Variants in SRD5A2 observed in about 807,000 individuals in gnomAD.
The protein encoded by SRD5A2 is 3-oxo-5-alpha-steroid 4-dehydrogenase 2.
In SRD5A2, 30 loss-of-function variants were observed where a neutral mutation model predicts 27.4. The ratio of observed to expected loss-of-function variants is 1.10; its 90% CI spans 0.82 to 1.49. The LOEUF is 1.49. SRD5A2 is among the 40% of genes most tolerant of loss of function. The probability of loss-of-function intolerance (pLI) is 0.00; values close to 1 mark genes in which losing one functional copy is unlikely to be tolerated. For synonymous variants in SRD5A2, 141 were observed against 133.6 expected (o/e 1.06, Z -0.38); for missense variants, 348 against 323.4 (o/e 1.08, Z -0.58).
At chr2:31,527,732 G>A (rs1665814108) in intron 4 of SRD5A2, 1 of 152,216 alleles carries the variant, frequency 6.6e-6, no homozygotes. Context: ...TTATGGGCTA[G>A]GAACCCTCTG....
the SRD5A2 span, among the ~76,000 whole-genome samples, chr2:31,621,756 G>A: frequency 6.6e-6 from 1 of 151,922 alleles, no homozygotes; most frequent in African/African-American, 2.4e-5. Flanking sequence ...CTCAGCCTCT[G>A]ATCTGGAGTA....
At position 31,526,153 on chromosome 2, in the gene SRD5A2, C is replaced by T. The variant is rs28383082; in HGVS notation, c.*43G>A. On this transcript the variant is annotated 3_prime_UTR_variant, in exon 5 of 5. Transcript: ENST00000622030. ...ACAGTTTCAGCAGCTTGACAGTTTT[C>T]ATCAGCATTGTGGGAGCTCTGCTCC... 12,546 of 1,282,334 alleles carry T rather than the reference C, an allele frequency of 9.8e-3. 95 individuals carry two copies. The highest frequency in any genetic ancestry group is 0.011 in the Non-Finnish European group (10,375 of 904,436). 79.4% of individuals were successfully genotyped at this position (1,282,334 alleles called of 1,614,324 possible). A position where few individuals can be genotyped will look rare whatever the true frequency, so the allele number is the denominator to read the frequency against.
Position 31,526,203 on chromosome 2 carries a change from A to C in SRD5A2, c.758T>G (p.Ile253Ser). 1.3e-6 allele frequency: 2 copies of C among 1,582,652 alleles called. No homozygotes were observed. Among genetic ancestry groups the C allele is most frequent in the Non-Finnish European group, 1.7e-6 (2 of 1,162,024 alleles). ...CTTTTTAATTTGGTTCCTTTAAAAG[A>C]TGAATGGAATAAGGGCTTTCCGAGA... ...PKSRKALIPF[I>S]F The change falls in exon 5 of 5, where the codon ATC becomes AGC. Residue 253 changes from isoleucine (I) to serine (S), a missense_variant. Coordinates refer to ENST00000622030, the MANE Select transcript of SRD5A2 (RefSeq NM_000348.4).
At chr2:31,559,409 GT>G (rs1448869697) in intron 1 of SRD5A2, among the ~76,000 whole-genome samples, 1 of 151,898 alleles carries the variant, frequency 6.6e-6, no homozygotes, top group East Asian at 1.9e-4. Context: ...AATATAAATT[GT>G]TTTTTAGAAA....
the SRD5A2 span, among the ~76,000 whole-genome samples, chr2:31,647,614 A>T: frequency 2.0e-5 from 3 of 152,172 alleles, no homozygotes; most frequent in African/African-American, 4.8e-5. Flanking sequence ...TGCAGTGAAA[A>T]ATAACCCCCT....
At chr2:31,614,564 G>A in the SRD5A2 span, among the ~76,000 whole-genome samples, 1 of 152,178 alleles carries the variant, frequency 6.6e-6, no homozygotes. Context: ...TAGGACAGTG[G>A]CCTCTTCTCA....
chr2:31,630,021 C>T, the SRD5A2 span, among the ~76,000 whole-genome samples: 2 of 152,162 alleles, frequency 1.3e-5, no homozygotes, highest in Non-Finnish European at 2.9e-5. Flanking sequence ...AGGCATACAG[C>T]CCTCAATATG....
chr2:31,563,397 G>T (rs926562460), intron 1 of SRD5A2: 1 of 151,832 alleles, frequency 6.6e-6, no homozygotes, highest in Non-Finnish European at 1.5e-5. Flanking sequence ...AAAAAGGTAA[G>T]TTATATGAAA....
intron 1 of SRD5A2, among the ~76,000 whole-genome samples, chr2:31,542,722 G>A (rs984084031): frequency 6.6e-6 from 1 of 152,000 alleles, no homozygotes; most frequent in African/African-American, 2.4e-5. Flanking sequence ...CAAAGATAAG[G>A]CAATGGAAAT....
chr2:31,598,516 G>A, the SRD5A2 span, among the ~76,000 whole-genome samples: 12,594 of 151,586 alleles, frequency 0.083, 646 homozygotes, highest in Middle Eastern at 0.18. Context: ...AAAAGAAGGG[G>A]GAAAAATAAC....
chr2:31,557,367 T>C (rs1449988306), intron 1 of SRD5A2, among the ~76,000 whole-genome samples: 2 of 152,254 alleles, frequency 1.3e-5, no homozygotes. Context: ...AACTAATTTG[T>C]TTAAATTTGC....
At chr2:31,536,808 A>T (rs534625318) in intron 1 of SRD5A2, among the ~76,000 whole-genome samples, 2 of 152,302 alleles carry the variant, frequency 1.3e-5, no homozygotes, top group East Asian at 3.9e-4. Context: ...TCCCCTTCAG[A>T]TCCCATGCTC....
the SRD5A2 span, chr2:31,651,350 G>C: frequency 5.0e-6 from 1 of 200,806 alleles, no homozygotes; most frequent in African/African-American, 2.3e-5. Context: ...ATTTATTGTT[G>C]AGTAAAATGA....
At chr2:31,547,228 A>C (rs1666280879) in intron 1 of SRD5A2, among the ~76,000 whole-genome samples, 1 of 152,248 alleles carries the variant, frequency 6.6e-6, no homozygotes. Context: ...CAAGGGTGCT[A>C]TGATGGTTGA....
chr2:31,580,761 A>AGGC lies in SRD5A2; in HGVS notation c.137_139dup (p.Arg46dup). The AGGC allele has an allele frequency of 6.2e-7, 1 of 1,610,534 alleles. No homozygotes were observed. Among genetic ancestry groups the AGGC allele is most frequent in the Non-Finnish European group, 8.5e-7 (1 of 1,179,546 alleles). ...CAGGAACCAGGCGGCGCGGGCTGGC[A>AGGC]GGCGGGTAGCCGCCGGCTTCAGGCT... On this transcript the variant is annotated inframe_insertion, in exon 1 of 5. Coordinates refer to ENST00000622030, the MANE Select transcript of SRD5A2 (RefSeq NM_000348.4).
At chr2:31,653,793 G>A in the SRD5A2 span, among the ~76,000 whole-genome samples, 1 of 152,108 alleles carries the variant, frequency 6.6e-6, no homozygotes, top group Non-Finnish European at 1.5e-5. Context: ...CAGAGTAGCT[G>A]AGATTACAGG....
the SRD5A2 span, among the ~76,000 whole-genome samples, chr2:31,592,341 G>A: frequency 6.6e-6 from 1 of 152,122 alleles, no homozygotes; most frequent in Admixed American, 6.5e-5. Context: ...TGGCTAACCG[G>A]AAGTCCTGAG....
At chr2:31,535,085 G>C (rs1451038180) in intron 1 of SRD5A2, among the ~76,000 whole-genome samples, 1 of 150,582 alleles carries the variant, frequency 6.6e-6, no homozygotes, top group Non-Finnish European at 1.5e-5. Flanking sequence ...GCAGTGGCAC[G>C]ATCTCGGCTC....
chr2:31,593,635 T>C, the SRD5A2 span, among the ~76,000 whole-genome samples: 1 of 152,292 alleles, frequency 6.6e-6, no homozygotes, highest in East Asian at 1.9e-4. Flanking sequence ...GAGGGAGCAA[T>C]TGAGGAAAAC....
Sources: gnomAD v4.1 joint callset for allele counts (sites outside exome capture counted in the v4.1 genomes callset) on GRCh38, gnomAD v4.1.1 for gene constraint, MANE v1.5 for transcripts, NCBI Gene and HGNC (gene_info 2026-07-23, HGNC 2026-07-21) for gene names.